Variants in ST7 observed in about 807,000 individuals in gnomAD.
ST7 encodes the protein suppression of tumorigenicity 7, also known as suppressor of tumorigenicity 7 protein.
ST7 carries 28 observed loss-of-function variants against 78.7 expected under a neutral mutation model. The observed-to-expected ratio is 0.36, with a 90% CI of 0.26 to 0.49. The LOEUF is 0.49. ST7 is among the 20% of genes least tolerant of loss of function. ST7 has a pLI of 0.99. For missense variants in ST7, 418 were observed against 696.0 expected (o/e 0.60, Z 4.49); for synonymous variants, 247 against 249.6 (o/e 0.99, Z 0.10).
At chr7:117,173,952 G>T (rs1018752375) in intron 10 of ST7, among the ~76,000 whole-genome samples, 1 of 151,914 alleles carries the variant, frequency 6.6e-6, no homozygotes. Flanking sequence ...ATATTTTGGG[G>T]GAAAGAAGGG....
intron 1 of ST7, among the ~76,000 whole-genome samples, chr7:117,077,841 TTTC>T (rs1281707060): frequency 7.7e-4 from 114 of 148,138 alleles, no homozygotes; most frequent in African/African-American, 2.8e-3. Flanking sequence ...TATTGATTTC[TTTC>T]TTTTTTTTTT....
At chr7:117,040,414 A>G (rs1311206087) in intron 1 of ST7, among the ~76,000 whole-genome samples, 1 of 152,148 alleles carries the variant, frequency 6.6e-6, no homozygotes, top group Non-Finnish European at 1.5e-5. Flanking sequence ...TTTTATACAC[A>G]CATACACACA....
chr7:117,115,923 A>G (rs1802846605), intron 2 of ST7, among the ~76,000 whole-genome samples: 1 of 152,182 alleles, frequency 6.6e-6, no homozygotes, highest in Non-Finnish European at 1.5e-5. Context: ...TCAGTCTTCT[A>G]GTCATCCCTC....
chr7:117,098,088 C>T (rs959319184), intron 1 of ST7, among the ~76,000 whole-genome samples: 1 of 150,418 alleles, frequency 6.6e-6, no homozygotes, highest in African/African-American at 2.4e-5. Context: ...TTAGTCCAGT[C>T]TCTTGTGATT....
chr7:117,198,930 C>T (rs1181726781), intron 12 of ST7: 1 of 152,314 alleles, frequency 6.6e-6, no homozygotes, highest in African/African-American at 2.4e-5. Flanking sequence ...TTAACAGTCC[C>T]TAATACACAC....
chr7:117,142,114 T>C lies in ST7; in HGVS notation c.963+3582T>C, dbSNP rs1805363760. 1.3e-5 allele frequency among the ~76,000 whole-genome samples: 2 copies of C among 152,162 alleles called. 1 individual carries two copies. The highest frequency in any genetic ancestry group is 1.3e-4 in the Admixed American group (2 of 15,270). The stretch of plus-strand genomic sequence containing the variant: ...ACATTTAATATACGATACAATTTCT[T>C]TTTTCCTTTTGACATCTACTGTTTA... On this transcript the variant is annotated intron_variant, in intron 9 of 15. Transcript: ENST00000323984.
intron 3 of ST7, among the ~76,000 whole-genome samples, chr7:117,129,200 A>G (rs1804127953): frequency 6.6e-6 from 1 of 151,884 alleles, no homozygotes; most frequent in African/African-American, 2.4e-5. Flanking sequence ...GTGCAAGTAA[A>G]TGATATTAAA....
chr7:117,147,753 C>G (rs930944184), intron 9 of ST7, among the ~76,000 whole-genome samples: 2 of 152,190 alleles, frequency 1.3e-5, no homozygotes, highest in East Asian at 3.9e-4. Context: ...CCTTCTCCCC[C>G]TCTATCCTCT....
chr7:117,041,720 C>A (rs967113703), intron 1 of ST7, among the ~76,000 whole-genome samples: 1 of 152,082 alleles, frequency 6.6e-6, no homozygotes, highest in African/African-American at 2.4e-5. Flanking sequence ...AACTGTGTAC[C>A]CATACCTGTG....
intron 1 of ST7, among the ~76,000 whole-genome samples, chr7:116,994,502 A>T (rs1420665802): frequency 1.3e-5 from 2 of 152,230 alleles, no homozygotes; most frequent in African/African-American, 4.8e-5. Context: ...TAAATAATAG[A>T]ATCATTGACT....
intron 1 of ST7, among the ~76,000 whole-genome samples, chr7:117,099,066 C>CAAAAAAAAAAAAAAAAAAAAAAA (rs55999217): frequency 2.1e-5 from 2 of 94,540 alleles, no homozygotes; most frequent in East Asian, 3.6e-4. Flanking sequence ...AAAAAAAAAA[C>CAAAAAAAAAAAAAAAAAAAAAAA]AAAAAAAAAA....
chr7:116,965,780 C>T (rs1048511576), intron 1 of ST7: 1 of 157,962 alleles, frequency 6.3e-6, no homozygotes, highest in Admixed American at 6.5e-5. Context: ...ATAAGACAAA[C>T]AACACGTTAC....
chr7:117,168,358 T>C (rs532765570), intron 9 of ST7, among the ~76,000 whole-genome samples: 5 of 152,332 alleles, frequency 3.3e-5, no homozygotes, highest in Non-Finnish European at 7.3e-5. Context: ...AATTATAGAA[T>C]ATGATTTGTG....
chr7:117,152,222 T>TATAA (rs1563124840), intron 9 of ST7, among the ~76,000 whole-genome samples: 18 of 117,952 alleles, frequency 1.5e-4, no homozygotes, highest in African/African-American at 4.7e-4. Context: ...TATATATATA[T>TATAA]ACCATGAACA....
intron 9 of ST7, among the ~76,000 whole-genome samples, chr7:117,142,961 GTGT>G (rs1805450632): frequency 6.6e-6 from 1 of 152,118 alleles, no homozygotes; most frequent in South Asian, 2.1e-4. Context: ...GCTTCCCTTA[GTGT>G]GGGTGTAAGC....
intron 1 of ST7, among the ~76,000 whole-genome samples, chr7:117,083,412 T>A (rs1329063511): frequency 6.6e-6 from 1 of 152,060 alleles, no homozygotes; most frequent in Non-Finnish European, 1.5e-5. Flanking sequence ...CCTGCCACCA[T>A]GCCCAGCTAA....
intron 2 of ST7, among the ~76,000 whole-genome samples, chr7:117,106,509 A>AT (rs1178642164): frequency 6.6e-6 from 1 of 151,522 alleles, no homozygotes; most frequent in Non-Finnish European, 1.5e-5. Context: ...TCGTGCATCC[A>AT]TCCCCCTAGC....
intron 1 of ST7, among the ~76,000 whole-genome samples, chr7:117,045,711 G>A (rs887516678): frequency 6.6e-6 from 1 of 152,150 alleles, no homozygotes; most frequent in Non-Finnish European, 1.5e-5. Context: ...GTTTTTGTCT[G>A]CTTGGCCCAT....
At chr7:117,069,381 A>G (rs1039945021) in intron 1 of ST7, among the ~76,000 whole-genome samples, 3 of 152,370 alleles carry the variant, frequency 2.0e-5, no homozygotes, top group African/African-American at 7.2e-5. Context: ...TGCAACAATG[A>G]ATTTCAATGG....
Sources: allele counts gnomAD v4.1 joint callset (sites outside exome capture counted in the v4.1 genomes callset), GRCh38; gene constraint gnomAD v4.1.1; transcripts MANE v1.5; gene names NCBI Gene and HGNC (gene_info 2026-07-23, HGNC 2026-07-21).